ADGRB2: variants seen among roughly 807,000 people sequenced by gnomAD.
ADGRB2 encodes brain-specific angiogenesis inhibitor 2.
ADGRB2 carries 47 observed loss-of-function variants against 178.7 expected under a neutral mutation model. The observed-to-expected ratio is 0.26, with a 90% CI of 0.21 to 0.34. ADGRB2 has a LOEUF of 0.34. Among genes scored for constraint, ADGRB2 ranks in the 10% least tolerant of loss-of-function variants. ADGRB2 has a pLI of 1.00. For synonymous variants in ADGRB2, 870 were observed against 912.4 expected (o/e 0.95, Z 0.84); for missense variants, 1,584 against 2,180.8 (o/e 0.73, Z 5.45).
chr1:31,728,711 C>CTGGCA lies in ADGRB2; in HGVS notation c.4381-83_4381-79dup. On this transcript the variant is annotated intron_variant, in intron 29 of 32. Coordinates refer to ENST00000373658, the MANE Select transcript of ADGRB2 (RefSeq NM_001364857.2). The surrounding 1 kb of genome is among the most constrained non-coding windows in gnomAD (Gnocchi z 6.7). The stretch of plus-strand genomic sequence containing the variant: ...GGCAGGGGCTTTAGAGACAGGAAGC[C>CTGGCA]TGGCATCCCAGGGGTCTGCCCGCTG... 1.3e-6 allele frequency: 2 copies of CTGGCA among 1,569,510 alleles called. No individual in the cohort carries two copies. Among genetic ancestry groups the CTGGCA allele is most frequent in the Non-Finnish European group, 1.8e-6 (2 of 1,141,806 alleles).
At chr1:31,732,752 G>C (rs1362275387) in intron 26 of ADGRB2, 140 bp from the exon 27 acceptor site, 1 of 1,149,446 alleles carries the variant, frequency 8.7e-7, no homozygotes, top group Non-Finnish European at 1.3e-6. Context: ...GATGACACCT[G>C]GGCAGGGTGC....
In ADGRB2 at chr1:31,757,091, G is replaced by A. The variant is rs540389133; in HGVS notation, c.21+110C>T. The A allele has an allele frequency of 2.7e-5, 42 of 1,568,152 alleles. No homozygotes were observed. In the East Asian group the frequency reaches 8.3e-4, roughly 31 times the overall value. On this transcript the variant is annotated intron_variant, in intron 3 of 32. Coordinates refer to ENST00000373658, the MANE Select transcript of ADGRB2 (RefSeq NM_001364857.2). Reference sequence around the variant, plus strand: ...GACTCGCGAGAGTGCCTGGAATCTTGTGAGCCCTGAAGAAACAGTAGTTGT... The same window carrying A: ...GACTCGCGAGAGTGCCTGGAATCTTATGAGCCCTGAAGAAACAGTAGTTGT...
Position 31,753,996 on chromosome 1 carries a change from G to C in ADGRB2, c.838+2003C>G, listed in dbSNP as rs772244134. On this transcript the variant is annotated intron_variant, in intron 4 of 32. Transcript: ENST00000373658. The surrounding 1 kb of genome is among the most constrained non-coding windows in gnomAD (Gnocchi z 4.1). ...AAGCAACCCCAAGGAAACATGCCAA[G>C]TAGGACAAGGGGCAAGAGCAGAGGT... 5.3e-5 allele frequency among the ~76,000 whole-genome samples: 8 copies of C among 152,214 alleles called. No homozygotes were observed. The highest frequency in any genetic ancestry group is 7.3e-5 in the Non-Finnish European group (5 of 68,030).
intron 1 of ADGRB2, among the ~76,000 whole-genome samples, chr1:31,762,075 G>A (rs891691208): frequency 5.3e-5 from 8 of 152,016 alleles, no homozygotes; most frequent in African/African-American, 1.7e-4. Context: ...TGGGAAGGGA[G>A]GGAGGGATGG....
rs147036889 is a variant in ADGRB2 at position 31,741,840 on chromosome 1, G to A, written c.1545C>T (p.Thr515=). 6.9e-6 allele frequency: 11 copies of A among 1,603,990 alleles called. No homozygotes were observed. Among genetic ancestry groups the A allele is most frequent in the African/African-American group, 6.7e-5 (5 of 74,668 alleles). Reference sequence around the variant, plus strand: ...CACTACAAGGCTTCACCTCCTCTCCGGTGCCCTCGCAGGGGTAGCCCTGCG... The same window carrying A: ...CACTACAAGGCTTCACCTCCTCTCCAGTGCCCTCGCAGGGGTAGCCCTGCG... ...TGTQGYPCEG[T]GEEVKPCSEK... is the part of the protein sequence containing the mutation. Residue 515 remains threonine (T), a synonymous_variant, in exon 9 of 33, where the codon ACC becomes ACT. Coordinates refer to ENST00000373658, the MANE Select transcript of ADGRB2 (RefSeq NM_001364857.2). The surrounding 1 kb of genome is among the most constrained non-coding windows in gnomAD (Gnocchi z 6.5).
chr1:31,744,055 T>G lies in ADGRB2; in HGVS notation c.1087+138A>C. ...CACCGGGCTGGCATGGTACGCAGAG[T>G]TGGGCATGGTGTGGGGAACAGCCAC... On this transcript the variant is annotated intron_variant, in intron 6 of 32. Coordinates refer to ENST00000373658, the MANE Select transcript of ADGRB2 (RefSeq NM_001364857.2). This position sits in a 1 kb window ranked among gnomAD's most constrained non-coding sequence, Gnocchi z 6.7. 10 of 1,156,396 alleles carry G rather than the reference T, an allele frequency of 8.6e-6. No individual in the cohort carries two copies. Among genetic ancestry groups the G allele is most frequent in the Non-Finnish European group, 1.2e-5 (10 of 837,692 alleles). 71.6% of individuals were successfully genotyped at this position (1,156,396 alleles called of 1,614,324 possible). A position where few individuals can be genotyped will look rare whatever the true frequency, so the allele number is the denominator to read the frequency against.
chr1:31,739,889 A>C (rs772762348), intron 14 of ADGRB2, 37 bp downstream of exon 14: 2 of 1,579,110 alleles, frequency 1.3e-6, no homozygotes, highest in South Asian at 2.2e-5. Flanking sequence ...GAGTTCTGGC[A>C]CATTCAGGAC....
chr1:31,760,827 C>CT (rs1419364635), intron 1 of ADGRB2: 3 of 152,384 alleles, frequency 2.0e-5, no homozygotes. Flanking sequence ...CTCTGTCGCC[C>CT]TGGGGGACGC....
In ADGRB2 at chr1:31,732,601, C is replaced by T. The variant is rs2148895482; in HGVS notation, c.3636G>A (p.Val1212=). ...HCFLRREVQD[V]VKCQMGVCRA... The stretch of plus-strand genomic sequence containing the variant: ...GGCACACCCCCATCTGGCACTTCAC[C>T]ACATCCTGGACCTGGGGACAGAGGG... Residue 1212 remains valine (V), a synonymous_variant, in exon 27 of 33, where the codon GTG becomes GTA. Coordinates refer to ENST00000373658, the MANE Select transcript of ADGRB2 (RefSeq NM_001364857.2). The T allele has an allele frequency of 1.2e-6, 2 of 1,614,058 alleles. No homozygotes were observed. Among genetic ancestry groups the T allele is most frequent in the South Asian group, 2.2e-5 (2 of 91,074 alleles).
rs1645354018 is a variant in ADGRB2, at chr1:31,732,686, C to T, written c.3625-74G>A. ...GACCACAGATGGCTGTGCTTCCCAC[C>T]CCAGATGCCCAGGCAAGTGTAGAAG... On this transcript the variant is annotated intron_variant, in intron 26 of 32. Coordinates refer to ENST00000373658, the MANE Select transcript of ADGRB2 (RefSeq NM_001364857.2). 6.7e-6 allele frequency: 10 copies of T among 1,495,080 alleles called. No individual in the cohort carries two copies. The South Asian group carries it at 9.4e-5, about 14-fold the overall frequency. 92.6% of individuals were successfully genotyped at this position (1,495,080 alleles called of 1,614,324 possible).
chr1:31,736,210 A>G, intron 22 of ADGRB2, 111 bp downstream of exon 22: 1 of 1,293,736 alleles, frequency 7.7e-7, no homozygotes, highest in Non-Finnish European at 1.1e-6. Context: ...ATGGGGAGGA[A>G]CTTGCCCAAA....
chr1:31,738,747 C>G, intron 16 of ADGRB2, 85 bp downstream of exon 16: 1 of 1,594,826 alleles, frequency 6.3e-7, no homozygotes, highest in Non-Finnish European at 8.6e-7. Context: ...AGCCCACCAT[C>G]AGGGACAGAG....
At position 31,756,660 on chromosome 1, in the gene ADGRB2, A is replaced by C; in HGVS notation, c.177T>G (p.Pro59=). The part of the protein sequence containing the change: ...YGAFSLQDLF[P]TIASGCSWTL... ...TCCAGGAGCAGCCCGAGGCGATGGTAGGAAAGAGGTCCTGCAGCGAGAAGG... is the reference window on the plus strand; with the variant it reads ...TCCAGGAGCAGCCCGAGGCGATGGTCGGAAAGAGGTCCTGCAGCGAGAAGG... Residue 59 remains proline, a synonymous_variant, in exon 4 of 33, where the codon CCT becomes CCG. Transcript: ENST00000373658. This position sits in a 1 kb window ranked among gnomAD's most constrained non-coding sequence, Gnocchi z 8.5. 1 of 1,609,208 alleles carries C rather than the reference A, an allele frequency of 6.2e-7. No individual in the cohort carries two copies. The highest frequency in any genetic ancestry group is 8.5e-7 in the Non-Finnish European group (1 of 1,177,614).
At chr1:31,737,103 G>A (rs1645655325) in intron 20 of ADGRB2, among the ~76,000 whole-genome samples, 1 of 152,184 alleles carries the variant, frequency 6.6e-6, no homozygotes, top group Admixed American at 6.5e-5. Context: ...GTCGTCCACA[G>A]GTAGGTGGCA....
At chr1:31,751,022 C>A (rs1442322910) in intron 4 of ADGRB2, among the ~76,000 whole-genome samples, 2 of 152,130 alleles carry the variant, frequency 1.3e-5, no homozygotes, top group African/African-American at 4.8e-5. Flanking sequence ...CCTGCTTCCC[C>A]CAAGACGCCC....
Position 31,741,280 on chromosome 1 carries a change from C to T in ADGRB2, c.1794+93G>A, listed in dbSNP as rs1645949902. On this transcript the variant is annotated intron_variant, in intron 11 of 32. Coordinates refer to ENST00000373658, the MANE Select transcript of ADGRB2 (RefSeq NM_001364857.2). The surrounding 1 kb of genome is among the most constrained non-coding windows in gnomAD (Gnocchi z 6.5). ...GAAGTGGGCACAGCATATGCCAAGGCACGTGGGAACGAGCGAGAATCACGC... is the reference window on the plus strand; with the variant it reads ...GAAGTGGGCACAGCATATGCCAAGGTACGTGGGAACGAGCGAGAATCACGC... 9.1e-6 allele frequency: 12 copies of T among 1,322,140 alleles called. No individual in the cohort carries two copies. The highest frequency in any genetic ancestry group is 1.4e-5 in the South Asian group (1 of 73,256). 81.9% of individuals were successfully genotyped at this position (1,322,140 alleles called of 1,614,324 possible).
Position 31,741,149 on chromosome 1 carries a change from C to T in ADGRB2, c.1794+224G>A, listed in dbSNP as rs1406405887. 2.0e-5 allele frequency among the ~76,000 whole-genome samples: 3 copies of T among 152,154 alleles called. No individual in the cohort carries two copies. The highest frequency in any genetic ancestry group is 7.2e-5 in the African/African-American group (3 of 41,434). ...GCACCTAATGACTGAGGAGCTCATT[C>T]TGCAGGAGCGCAGAGGTAGGCACCA... On this transcript the variant is annotated intron_variant, in intron 11 of 32. Transcript: ENST00000373658. This position sits in a 1 kb window ranked among gnomAD's most constrained non-coding sequence, Gnocchi z 6.5.
Position 31,728,018 on chromosome 1 carries a change from G to T in ADGRB2, c.4572+7C>A, listed in dbSNP as rs1344261948. 3 of 1,557,812 alleles carry T rather than the reference G, an allele frequency of 1.9e-6. No individual in the cohort carries two copies. Among genetic ancestry groups the T allele is most frequent in the East Asian group, 2.4e-5 (1 of 42,254 alleles). ...CACCTCACCCCACCCAGCCCGGGGG[G>T]ACTCACGGTGCACACGCTCCGCTCG... On this transcript the variant is annotated splice_region_variant and intron_variant, in intron 32 of 32. Transcript: ENST00000373658. This position sits in a 1 kb window ranked among gnomAD's most constrained non-coding sequence, Gnocchi z 6.7.
Position 31,728,275 on chromosome 1 carries a change from C to T in ADGRB2, c.4422G>A (p.Val1474=). ...LRYSDLDFEK[V]MHTRKRHSEL... is the part of the protein sequence containing the mutation. Reference sequence around the variant, plus strand: ...CTGAATGCCGTTTCCGGGTGTGCATCACCTTCTAGGGGCCACAGGGCATCA... The same window carrying T: ...CTGAATGCCGTTTCCGGGTGTGCATTACCTTCTAGGGGCCACAGGGCATCA... Residue 1474 remains valine, a synonymous_variant, in exon 31 of 33, where the codon GTG becomes GTA. Transcript: ENST00000373658. The surrounding 1 kb of genome is among the most constrained non-coding windows in gnomAD (Gnocchi z 6.7). The T allele has an allele frequency of 6.2e-7, 1 of 1,613,862 alleles. No individual in the cohort carries two copies. Among genetic ancestry groups the T allele is most frequent in the East Asian group, 2.2e-5 (1 of 44,872 alleles).
Sources: gnomAD v4.1 joint callset for allele counts (sites outside exome capture counted in the v4.1 genomes callset) on GRCh38, gnomAD v4.1.1 for gene constraint, Gnocchi (gnomAD v3.1) non-coding constraint, MANE v1.5 for transcripts, NCBI Gene and HGNC (gene_info 2026-07-23, HGNC 2026-07-21) for gene names.